DOCK3: variants seen among roughly 807,000 people sequenced by gnomAD.
DOCK3 encodes dedicator of cytokinesis protein 3.
Under a neutral mutation model 265.6 loss-of-function variants are expected in DOCK3, and 60 were observed. The observed-to-expected ratio is 0.23, with a 90% CI of 0.18 to 0.28. DOCK3 has a LOEUF of 0.28. Among genes scored for constraint, DOCK3 ranks in the 10% least tolerant of loss-of-function variants. DOCK3 has a pLI of 1.00. For missense variants in DOCK3, 1,981 were observed against 2,594.3 expected, an observed-to-expected ratio of 0.76 and a Z score of 5.14; for synonymous variants, 881 against 938.0, an observed-to-expected ratio of 0.94 and a Z score of 1.11.
intron 4 of DOCK3, among the ~76,000 whole-genome samples, chr3:50,894,651 C>T (rs1316391654): frequency 1.3e-5 from 2 of 152,016 alleles, no homozygotes; most frequent in Non-Finnish European, 2.9e-5. Flanking sequence ...ACTATAACTA[C>T]AAAAACTTGT....
chr3:50,714,582 A>G (rs1324655384), intron 1 of DOCK3, among the ~76,000 whole-genome samples: 2 of 152,130 alleles, frequency 1.3e-5, no homozygotes, highest in African/African-American at 4.8e-5. Context: ...CCTGGGCTCA[A>G]GGGACTGTAG....
At chr3:50,785,135 C>T (rs1028072762) in intron 2 of DOCK3, among the ~76,000 whole-genome samples, 9 of 152,000 alleles carry the variant, frequency 5.9e-5, no homozygotes, top group Non-Finnish European at 1.3e-4. Context: ...CCAGCCTGAG[C>T]GACAAGAGCA....
At chr3:51,275,669 G>T (rs1345117437) in intron 25 of DOCK3, among the ~76,000 whole-genome samples, 1 of 152,092 alleles carries the variant, frequency 6.6e-6, no homozygotes, top group East Asian at 1.9e-4. Flanking sequence ...CAGGGCATAC[G>T]AGAGGTTAAT....
At chr3:51,263,404 A>G (rs1166088897) in intron 23 of DOCK3, among the ~76,000 whole-genome samples, 1 of 152,210 alleles carries the variant, frequency 6.6e-6, no homozygotes, top group Non-Finnish European at 1.5e-5. Flanking sequence ...CTGCCTTACA[A>G]GAGCTCCTGA....
intron 5 of DOCK3, among the ~76,000 whole-genome samples, chr3:51,039,910 T>C (rs936266331): frequency 7.5e-5 from 11 of 146,160 alleles, no homozygotes; most frequent in African/African-American, 2.3e-4. Flanking sequence ...TTTTTTAACA[T>C]ATAAGACCTC....
chr3:51,133,555 G>A (rs902230505), intron 9 of DOCK3, among the ~76,000 whole-genome samples: 10 of 151,882 alleles, frequency 6.6e-5, no homozygotes, highest in Admixed American at 4.6e-4. Context: ...TCTTAATCCA[G>A]TCTATCATTG....
Position 51,363,378 on chromosome 3 carries a change from G to A in DOCK3, c.5293+704G>A, listed in dbSNP as rs2086879111. 5.3e-5 allele frequency among the ~76,000 whole-genome samples: 8 copies of A among 152,242 alleles called. No homozygotes were observed. In the South Asian group the frequency reaches 1.7e-3, roughly 32 times the overall value. On this transcript the variant is annotated intron_variant, in intron 49 of 52. Coordinates refer to ENST00000266037, the MANE Select transcript of DOCK3 (RefSeq NM_004947.5). ...GGGTTGGCTTTGCAGGGTAGTGACA[G>A]TGGTCTGAGCTTGCCAGCCAGTCAC...
chr3:51,311,200 T>G (rs975412102), intron 28 of DOCK3, among the ~76,000 whole-genome samples: 1 of 152,248 alleles, frequency 6.6e-6, no homozygotes, highest in Non-Finnish European at 1.5e-5. Context: ...AGCAGCTTTT[T>G]CTTTCAAAGC....
chr3:50,943,306 T>C (rs891998091), intron 5 of DOCK3, among the ~76,000 whole-genome samples: 2 of 152,090 alleles, frequency 1.3e-5, no homozygotes, highest in East Asian at 3.8e-4. Flanking sequence ...ATTGATGCAC[T>C]GTTTGCAGTA....
At chr3:51,021,283 A>C (rs1304247956) in intron 5 of DOCK3, among the ~76,000 whole-genome samples, 2 of 149,850 alleles carry the variant, frequency 1.3e-5, no homozygotes, top group African/African-American at 5.1e-5. Flanking sequence ...ACACATAATC[A>C]TCAGATTCTC....
intron 27 of DOCK3, among the ~76,000 whole-genome samples, chr3:51,308,296 G>A (rs1423805183): frequency 6.7e-6 from 1 of 150,036 alleles, no homozygotes; most frequent in Admixed American, 6.6e-5. Context: ...TAGGACAATA[G>A]TGGAGGGAAG....
intron 12 of DOCK3, among the ~76,000 whole-genome samples, chr3:51,184,264 T>G (rs1335923331): frequency 6.7e-6 from 1 of 149,836 alleles, no homozygotes; most frequent in Admixed American, 6.7e-5. Context: ...TGAGCCAAGA[T>G]CGTGCCATTG....
chr3:50,861,733 G>A (rs1312189607), intron 3 of DOCK3, among the ~76,000 whole-genome samples: 1 of 150,082 alleles, frequency 6.7e-6, no homozygotes. Context: ...TTATCTCATA[G>A]AATAAGAGCA....
At position 51,146,581 on chromosome 3, in the gene DOCK3, G is replaced by A; in HGVS notation, c.779G>A (p.Gly260Asp). The A allele has an allele frequency of 1.9e-6, 3 of 1,599,266 alleles. No individual in the cohort carries two copies. Among genetic ancestry groups the A allele is most frequent in the Non-Finnish European group, 1.7e-6 (2 of 1,172,450 alleles). ...TTTCTGGTAAGACTGAACAAGAATG[G>A]TGGGCCGAGGAACCCAGAGAAGATA... ...ERFLVRLNKNGGPRNPEKIER... is the reference protein window; with the variant it reads ...ERFLVRLNKNDGPRNPEKIER... The change falls in exon 10 of 53, where the codon GGT becomes GAT. Residue 260 changes from glycine (G) to aspartate (D), a missense_variant. By Grantham distance (94) the Gly-to-Asp change is moderately conservative (BLOSUM62 -1). Coordinates refer to ENST00000266037, the MANE Select transcript of DOCK3 (RefSeq NM_004947.5).
At chr3:50,824,783 A>G (rs2044661785) in intron 2 of DOCK3, among the ~76,000 whole-genome samples, 1 of 152,188 alleles carries the variant, frequency 6.6e-6, no homozygotes, top group African/African-American at 2.4e-5. Context: ...AGATGAATGG[A>G]CTAATAACCT....
chr3:50,783,993 G>A (rs1247386546), intron 2 of DOCK3, among the ~76,000 whole-genome samples: 2 of 151,464 alleles, frequency 1.3e-5, no homozygotes, highest in Non-Finnish European at 2.9e-5. Flanking sequence ...TCGACCTCCC[G>A]AGTAGCTGAG....
In DOCK3 at chr3:51,338,320, C is replaced by G. The variant is rs768197150; in HGVS notation, c.3612-39C>G. On this transcript the variant is annotated intron_variant, in intron 35 of 52. Coordinates refer to ENST00000266037, the MANE Select transcript of DOCK3 (RefSeq NM_004947.5). ...AGTTCTATGTGTTGTCTCAAGGCCCCACTTCATATCTGGTGCTCATCTGTG... is the reference window on the plus strand; with the variant it reads ...AGTTCTATGTGTTGTCTCAAGGCCCGACTTCATATCTGGTGCTCATCTGTG... 2.6e-6 allele frequency: 4 copies of G among 1,550,404 alleles called. No individual in the cohort carries two copies. The African/African-American group carries it at 5.5e-5, about 21-fold the overall frequency.
At position 51,082,372 on chromosome 3, in the gene DOCK3, A is replaced by G. The variant is rs866946280; in HGVS notation, c.550-6871A>G. Among the ~76,000 whole-genome samples the G allele has an allele frequency of 3.3e-5, 5 of 152,082 alleles. 1 individual carries two copies. The South Asian group carries it at 6.2e-4, about 19-fold the overall frequency. ...TCAGAGGGCTGCAGCATCACAATAC[A>G]TACTGGACCCAGCATTGTTCCTGGG... On this transcript the variant is annotated intron_variant, in intron 7 of 52. Coordinates refer to ENST00000266037, the MANE Select transcript of DOCK3 (RefSeq NM_004947.5).
chr3:51,115,966 T>G lies in DOCK3; in HGVS notation c.746+25582T>G, dbSNP rs529580296. 7.2e-5 allele frequency among the ~76,000 whole-genome samples: 11 copies of G among 152,264 alleles called. No homozygotes were observed. The East Asian group carries it at 2.1e-3, about 29-fold the overall frequency. ...ATCAGATGGTTGTAGATGTGTGGTG[T>G]TATTTCTGAGGCCTCTCTTCTGTTC... On this transcript the variant is annotated intron_variant, in intron 9 of 52. Coordinates refer to ENST00000266037, the MANE Select transcript of DOCK3 (RefSeq NM_004947.5).
Sources: gnomAD v4.1 joint callset for allele counts (sites outside exome capture counted in the v4.1 genomes callset) on GRCh38, gnomAD v4.1.1 for gene constraint, MANE v1.5 for transcripts, NCBI Gene and HGNC (gene_info 2026-07-23, HGNC 2026-07-21) for gene names.